The following SOX6 variants were observed in gnomAD, a reference collection of about 807,000 sequenced individuals.
SOX6 encodes the protein transcription factor SOX-6.
A neutral mutation model predicts 97.8 loss-of-function variants in SOX6; 11 were observed. The observed-to-expected ratio is 0.11, with a 90% CI of 0.07 to 0.19. SOX6 has a LOEUF of 0.19. SOX6 is among the 10% of genes least tolerant of loss of function. The pLI is 1.00. For missense variants in SOX6, 810 were observed against 1,039.5 expected (o/e 0.78, Z 3.04); for synonymous variants, 360 against 371.4 (o/e 0.97, Z 0.35).
chr11:16,523,126 T>G (rs1388617526), intron 4 of SOX6, among the ~76,000 whole-genome samples: 1 of 152,116 alleles, frequency 6.6e-6, no homozygotes, highest in Non-Finnish European at 1.5e-5. Context: ...CTGCACCAAG[T>G]GGACCTAATA....
chr11:16,587,674 G>A (rs897478409), intron 4 of SOX6, among the ~76,000 whole-genome samples: 17 of 152,218 alleles, frequency 1.1e-4, no homozygotes, highest in African/African-American at 3.1e-4. Flanking sequence ...GGTGTAAGAA[G>A]AGAACTAAGT....
chr11:16,336,762 A>G (rs1856473210), intron 2 of SOX6, among the ~76,000 whole-genome samples: 1 of 152,054 alleles, frequency 6.6e-6, no homozygotes, highest in Non-Finnish European at 1.5e-5. Flanking sequence ...CCCTGATTTC[A>G]TTTCATACCA....
intron 4 of SOX6, among the ~76,000 whole-genome samples, chr11:16,568,028 C>T (rs576045906): frequency 2.7e-4 from 41 of 152,140 alleles, no homozygotes; most frequent in African/African-American, 9.6e-4. Flanking sequence ...GTGACACTTT[C>T]GCTTTCTGAT....
intron 3 of SOX6, among the ~76,000 whole-genome samples, chr11:16,709,831 A>C (rs140576914): frequency 2.8e-3 from 420 of 152,332 alleles, no homozygotes; most frequent in Non-Finnish European, 4.6e-3. Flanking sequence ...CTAAAAAACA[A>C]TTGATGCAGA....
chr11:16,402,969 G>A (rs1565133191), intron 1 of SOX6: 2 of 759,300 alleles, frequency 2.6e-6, no homozygotes, highest in Non-Finnish European at 4.2e-6. Flanking sequence ...AGAAACACAA[G>A]TCCATTGTTC....
chr11:16,131,760 A>G (rs762871062), intron 6 of SOX6, among the ~76,000 whole-genome samples: 2 of 152,106 alleles, frequency 1.3e-5, no homozygotes, highest in Non-Finnish European at 2.9e-5. Context: ...CAAAATATTG[A>G]CATACCCAAT....
At chr11:16,387,007 C>T (rs991933939) in intron 1 of SOX6, among the ~76,000 whole-genome samples, 4 of 152,106 alleles carry the variant, frequency 2.6e-5, no homozygotes, top group African/African-American at 9.7e-5. Context: ...AATAAACTTA[C>T]CATTTGTAAA....
intron 3 of SOX6, among the ~76,000 whole-genome samples, chr11:16,685,409 T>C (rs1847961523): frequency 1.3e-5 from 2 of 152,212 alleles, no homozygotes; most frequent in South Asian, 2.1e-4. Flanking sequence ...AGTATTGGCA[T>C]AGAGTAAACA....
At chr11:16,122,399 A>G (rs1437978380) in intron 6 of SOX6, among the ~76,000 whole-genome samples, 2 of 152,046 alleles carry the variant, frequency 1.3e-5, no homozygotes, top group Non-Finnish European at 2.9e-5. Flanking sequence ...TGGAAACCCC[A>G]TTAAATACAC....
At chr11:16,355,587 T>C (rs1458678937) in intron 1 of SOX6, among the ~76,000 whole-genome samples, 1 of 152,078 alleles carries the variant, frequency 6.6e-6, no homozygotes, top group African/African-American at 2.4e-5. Context: ...TACCCAGTGG[T>C]CTGCTTGTCA....
At chr11:16,349,707 AGGAAGGAAGAAGGAAG>A (rs1248491291) in intron 1 of SOX6, among the ~76,000 whole-genome samples, 70 of 36,512 alleles carry the variant, frequency 1.9e-3, no homozygotes, top group East Asian at 4.2e-3. Context: ...GAAGGAAGGA[AGGAAGGAAGAAGGAAG>A]GAAGGAAGGA....
At chr11:16,705,632 G>A (rs1021728867) in intron 3 of SOX6, among the ~76,000 whole-genome samples, 5 of 145,432 alleles carry the variant, frequency 3.4e-5, no homozygotes, top group Admixed American at 1.5e-4. Context: ...ACCTCTAGGG[G>A]GAAAAAAAAC....
At chr11:16,656,145 C>T (rs115755694) in intron 3 of SOX6, among the ~76,000 whole-genome samples, 2 of 151,976 alleles carry the variant, frequency 1.3e-5, no homozygotes, top group African/African-American at 4.8e-5. Context: ...GTGACGCCAT[C>T]TCAGTTCACT....
intron 3 of SOX6, among the ~76,000 whole-genome samples, chr11:16,675,883 G>A (rs1847880534): frequency 6.6e-6 from 1 of 152,146 alleles, no homozygotes; most frequent in African/African-American, 2.4e-5. Flanking sequence ...GCTTTTAATA[G>A]TTTAATTATA....
At chr11:16,200,746 T>C (rs1295148873) in intron 4 of SOX6, among the ~76,000 whole-genome samples, 1 of 152,202 alleles carries the variant, frequency 6.6e-6, no homozygotes, top group Non-Finnish European at 1.5e-5. Context: ...ATCATTTTTA[T>C]ATTAGTTTGT....
intron 7 of SOX6, among the ~76,000 whole-genome samples, chr11:16,103,284 A>G (rs1256223951): frequency 6.6e-6 from 1 of 151,900 alleles, no homozygotes; most frequent in East Asian, 1.9e-4. Flanking sequence ...GCTCAACATC[A>G]CTAATTGTCA....
intron 4 of SOX6, among the ~76,000 whole-genome samples, chr11:16,569,798 G>C (rs924122943): frequency 6.8e-6 from 1 of 148,062 alleles, no homozygotes; most frequent in African/African-American, 2.5e-5. Context: ...GAACCCGGGA[G>C]GTGGGGCTTG....
At chr11:16,261,148 C>T (rs904984637) in intron 3 of SOX6, among the ~76,000 whole-genome samples, 1 of 152,120 alleles carries the variant, frequency 6.6e-6, no homozygotes, top group African/African-American at 2.4e-5. Flanking sequence ...AATTTACCAT[C>T]AATCTTCTCT....
At chr11:16,220,137 T>A in intron 4 of SOX6, among the ~76,000 whole-genome samples, 1 of 152,218 alleles carries the variant, frequency 6.6e-6, no homozygotes, top group East Asian at 1.9e-4. Context: ...TGTGTATATA[T>A]ATTAAAATCT....
Sources: gnomAD v4.1 joint callset for allele counts (sites outside exome capture counted in the v4.1 genomes callset) on GRCh38, gnomAD v4.1.1 for gene constraint, MANE v1.5 for transcripts, NCBI Gene and HGNC (gene_info 2026-07-23, HGNC 2026-07-21) for gene names.